The following PRICKLE1 variants were observed in gnomAD, a reference collection of about 807,000 sequenced individuals.
PRICKLE1 encodes the protein prickle-like protein 1.
PRICKLE1 carries 14 observed loss-of-function variants against 70.2 expected under a neutral mutation model. That is an observed-to-expected ratio of 0.20 (90% CI 0.13 to 0.31). PRICKLE1 has a LOEUF of 0.31. PRICKLE1 is among the 10% of genes least tolerant of loss of function. The pLI, the probability that PRICKLE1 is intolerant of heterozygous loss-of-function variation, is 1.00. For missense variants in PRICKLE1, 821 were observed against 1,026.2 expected, an observed-to-expected ratio of 0.80 and a Z score of 2.73; for synonymous variants, 357 against 379.9, an observed-to-expected ratio of 0.94 and a Z score of 0.70.
intron 1 of PRICKLE1, among the ~76,000 whole-genome samples, chr12:42,532,423 A>C (rs1156463361): frequency 6.6e-6 from 1 of 152,248 alleles, no homozygotes; most frequent in African/African-American, 2.4e-5. Context: ...TGTCTAACAG[A>C]AATAGAATAT....
At chr12:42,469,347 G>T in intron 4 of PRICKLE1, 103 bp downstream of exon 4, 3 of 1,363,404 alleles carry the variant, frequency 2.2e-6, no homozygotes, top group Non-Finnish European at 2.1e-6. Flanking sequence ...TTTTCTGGAG[G>T]CTTTCAGGAC....
chr12:42,461,022 C>T (rs947246262), intron 7 of PRICKLE1, among the ~76,000 whole-genome samples: 1 of 152,166 alleles, frequency 6.6e-6, no homozygotes, highest in Admixed American at 6.5e-5. Context: ...GCTGGGATTA[C>T]AGGCATGTGC....
intron 1 of PRICKLE1, among the ~76,000 whole-genome samples, chr12:42,544,240 A>G (rs1436302743): frequency 1.3e-5 from 2 of 152,218 alleles, no homozygotes; most frequent in African/African-American, 4.8e-5. Context: ...TCACTTGATT[A>G]TGTTGGTCAG....
intron 1 of PRICKLE1, among the ~76,000 whole-genome samples, chr12:42,563,430 T>C (rs746402072): frequency 6.6e-6 from 1 of 151,542 alleles, no homozygotes; most frequent in Non-Finnish European, 1.5e-5. Context: ...CCGGGCGTGG[T>C]GGGTCATGCC....
At chr12:42,553,536 GC>G in intron 1 of PRICKLE1, among the ~76,000 whole-genome samples, 1 of 138,786 alleles carries the variant, frequency 7.2e-6, no homozygotes, top group Admixed American at 7.1e-5. Flanking sequence ...GGTGGGTGGG[GC>G]GGGGGGGGTC....
intron 1 of PRICKLE1, among the ~76,000 whole-genome samples, chr12:42,478,657 A>C (rs1938668181): frequency 1.3e-5 from 2 of 152,176 alleles, no homozygotes; most frequent in South Asian, 4.2e-4. Context: ...TGTCAAACAG[A>C]AAAGAAGGGT....
intron 5 of PRICKLE1, 88 bp from the exon 6 acceptor site, chr12:42,466,468 T>C (rs1386458753): frequency 8.6e-7 from 1 of 1,167,136 alleles, no homozygotes; most frequent in Non-Finnish European, 1.3e-6. Context: ...TTCCGGGCAA[T>C]GGACAGACAC....
intron 2 of PRICKLE1, among the ~76,000 whole-genome samples, chr12:42,470,826 A>T (rs1389939082): frequency 6.6e-6 from 1 of 151,974 alleles, no homozygotes; most frequent in Admixed American, 6.6e-5. Flanking sequence ...GAATCGCTTG[A>T]ACCTGGGAGG....
intron 1 of PRICKLE1, chr12:42,489,701 A>G (rs1049343209): frequency 6.8e-6 from 1 of 147,058 alleles, no homozygotes; most frequent in Non-Finnish European, 1.5e-5. Flanking sequence ...AAATTTAAGT[A>G]TTAGTTGGTA....
intron 1 of PRICKLE1, among the ~76,000 whole-genome samples, chr12:42,553,976 C>T (rs1427849309): frequency 3.3e-5 from 5 of 152,232 alleles, no homozygotes; most frequent in African/African-American, 1.2e-4. Flanking sequence ...TGGTGGCTGG[C>T]GCCTGTAATC....
At chr12:42,497,019 C>A (rs1439628671) in intron 1 of PRICKLE1, among the ~76,000 whole-genome samples, 2 of 152,198 alleles carry the variant, frequency 1.3e-5, no homozygotes, top group African/African-American at 4.8e-5. Flanking sequence ...AGAGGACTAG[C>A]TTTTGGCCTC....
intron 1 of PRICKLE1, among the ~76,000 whole-genome samples, chr12:42,503,909 T>G (rs969980665): frequency 6.6e-6 from 1 of 152,190 alleles, no homozygotes; most frequent in Non-Finnish European, 1.5e-5. Flanking sequence ...AAGCGGGTTC[T>G]GGTTATTTAG....
At chr12:42,554,745 G>A (rs554099666) in intron 1 of PRICKLE1, among the ~76,000 whole-genome samples, 9 of 152,292 alleles carry the variant, frequency 5.9e-5, no homozygotes, top group East Asian at 5.8e-4. Flanking sequence ...AATTCTCTTC[G>A]TGGTGAAGGT....
rs80266661 is a variant in PRICKLE1 at position 42,584,128 on chromosome 12, A to T, written c.-49+5337T>A. 3.6e-3 allele frequency among the ~76,000 whole-genome samples: 549 copies of T among 152,306 alleles called. 3 individuals are homozygous for T. Among genetic ancestry groups the T allele is most frequent in the African/African-American group, 0.012 (518 of 41,564 alleles). Reference sequence around the variant, plus strand: ...AGAGTTTACTTCCAATAAAATCGTGAAATTATGTGCTGATTCCCCTCTATC... The same window carrying T: ...AGAGTTTACTTCCAATAAAATCGTGTAATTATGTGCTGATTCCCCTCTATC... On this transcript the variant is annotated intron_variant, in intron 1 of 7. Transcript: ENST00000345127.
chr12:42,501,526 A>G (rs866091675), intron 1 of PRICKLE1, among the ~76,000 whole-genome samples: 4,303 of 92,660 alleles, frequency 0.046, 282 homozygotes, highest in African/African-American at 0.2. Flanking sequence ...AAAAAAAAAA[A>G]AAAAGAAAAG....
chr12:42,521,548 A>T (rs1477024627), intron 1 of PRICKLE1, among the ~76,000 whole-genome samples: 5 of 152,062 alleles, frequency 3.3e-5, no homozygotes, highest in African/African-American at 9.7e-5. Flanking sequence ...AAAATTACAA[A>T]AATTAGCCTG....
Position 42,460,614 on chromosome 12 carries a change from T to C in PRICKLE1, c.1691A>G (p.Gln564Arg). 1 of 1,613,232 alleles carries C rather than the reference T, an allele frequency of 6.2e-7. No individual in the cohort carries two copies. The highest frequency in any genetic ancestry group is 8.5e-7 in the Non-Finnish European group (1 of 1,180,028). The change falls in exon 8 of 8, where the codon CAA (glutamine) becomes CGA (arginine). Residue 564 changes from glutamine (Q) to arginine (R), a missense_variant. Physicochemically the swap from Gln to Arg is conservative, Grantham distance 43. Transcript: ENST00000345127. ...TTCTGTTTCCATCTCCTCAAAATTT[T>C]GCAGAGAATACAATGATGGCCTTGG... is the stretch of plus-strand genomic sequence containing the variant. ...NKPRPSLYSL[Q>R]NFEEMETEDC...
chr12:42,548,283 G>A (rs191030450), intron 1 of PRICKLE1, among the ~76,000 whole-genome samples: 153 of 152,222 alleles, frequency 1.0e-3, no homozygotes, highest in Non-Finnish European at 2.0e-3. Flanking sequence ...TGCTCAAAAA[G>A]TTTCAGATTT....
In PRICKLE1 at chr12:42,580,191, A is replaced by G. The variant is rs1940875732; in HGVS notation, c.-49+9274T>C. Among the ~76,000 whole-genome samples the G allele has an allele frequency of 2.0e-5, 3 of 152,028 alleles. No homozygotes were observed. In the South Asian group the frequency reaches 6.2e-4, roughly 32 times the overall value. ...CACCTGGCCCCAGATACATTTAAAA[A>G]CCTTTACAGTGATTTGACCAGATTA... On this transcript the variant is annotated intron_variant, in intron 1 of 7. Coordinates refer to ENST00000345127, the MANE Select transcript of PRICKLE1 (RefSeq NM_153026.3).
Sources: allele counts gnomAD v4.1 joint callset (sites outside exome capture counted in the v4.1 genomes callset), GRCh38; gene constraint gnomAD v4.1.1; transcripts MANE v1.5; gene names NCBI Gene and HGNC (gene_info 2026-07-23, HGNC 2026-07-21).